The following NXN variants were observed in gnomAD, a reference collection of about 807,000 sequenced individuals.
NXN encodes the protein nucleoredoxin 1.
A neutral mutation model predicts 48.6 loss-of-function variants in NXN; 16 were observed. That is an observed-to-expected ratio of 0.33 (90% CI 0.22 to 0.50). The LOEUF is 0.50. Among genes scored for constraint, NXN ranks in the 20% least tolerant of loss-of-function variants. The pLI is 0.98. For synonymous variants in NXN, 281 were observed against 269.6 expected (o/e 1.04, Z -0.41); for missense variants, 492 against 605.5 (o/e 0.81, Z 1.97).
chr17:874,610 C>A (rs1011808254), intron 1 of NXN, among the ~76,000 whole-genome samples: 1 of 150,862 alleles, frequency 6.6e-6, no homozygotes, highest in Non-Finnish European at 1.5e-5. Flanking sequence ...ATTACCCAGT[C>A]TTGTTATGTC....
intron 1 of NXN, among the ~76,000 whole-genome samples, chr17:965,803 G>A (rs2069295305): frequency 6.6e-6 from 1 of 152,114 alleles, no homozygotes; most frequent in Non-Finnish European, 1.5e-5. Context: ...CTACTCGGGA[G>A]GCCGAGGCAG....
intron 5 of NXN, among the ~76,000 whole-genome samples, chr17:806,461 C>T (rs1294762178): frequency 6.6e-6 from 1 of 152,118 alleles, no homozygotes; most frequent in Admixed American, 6.5e-5. Flanking sequence ...TTTTCTGTGT[C>T]TCTGTTCTTT....
At chr17:955,581 G>A (rs545830403) in intron 1 of NXN, among the ~76,000 whole-genome samples, 8 of 143,768 alleles carry the variant, frequency 5.6e-5, no homozygotes, top group East Asian at 2.2e-4. Flanking sequence ...AGCCAGACGC[G>A]GTGGCTCACG....
chr17:946,640 C>A (rs1451181311), intron 1 of NXN, among the ~76,000 whole-genome samples: 1 of 152,202 alleles, frequency 6.6e-6, no homozygotes, highest in Non-Finnish European at 1.5e-5. Flanking sequence ...TCCCAAAAGT[C>A]CCAAAACCAC....
At position 846,036 on chromosome 17, in the gene NXN, C is replaced by A. The variant is rs543539628; in HGVS notation, c.361-19958G>T. On this transcript the variant is annotated intron_variant, in intron 1 of 7. Coordinates refer to ENST00000336868, the MANE Select transcript of NXN (RefSeq NM_022463.5). ...GGCGGAGGTTGCAGTGAGCCGAGAT[C>A]ACACCACTGCACTCCAGCCTGGGGG... Among the ~76,000 whole-genome samples the A allele has an allele frequency of 6.6e-5, 10 of 151,536 alleles. No individual in the cohort carries two copies. In the South Asian group the frequency reaches 1.3e-3, roughly 19 times the overall value.
rs772248712 is a variant in NXN, at chr17:958,702, A to C, written c.360+20617T>G. 3.9e-5 allele frequency among the ~76,000 whole-genome samples: 6 copies of C among 152,124 alleles called. No homozygotes were observed. Among genetic ancestry groups the C allele is most frequent in the Non-Finnish European group, 8.8e-5 (6 of 68,032 alleles). On this transcript the variant is annotated intron_variant, in intron 1 of 7. Coordinates refer to ENST00000336868, the MANE Select transcript of NXN (RefSeq NM_022463.5). This position sits in a 1 kb window ranked among gnomAD's most constrained non-coding sequence, Gnocchi z 6.9. ...AGGAGAATCACCGAGGCGGAGGTAG[A>C]AGTGAGCCCAGATTGTGCCACTGAA...
intron 1 of NXN, among the ~76,000 whole-genome samples, chr17:880,742 G>T (rs2068275252): frequency 6.6e-6 from 1 of 152,116 alleles, no homozygotes; most frequent in African/African-American, 2.4e-5. Flanking sequence ...AAGGGGGCAG[G>T]GCTGGAGATC....
chr17:935,987 G>T (rs923485257), intron 1 of NXN, among the ~76,000 whole-genome samples: 1 of 151,776 alleles, frequency 6.6e-6, no homozygotes. Context: ...AGCTACTCAG[G>T]AGGCTGAGGC....
chr17:817,671 G>GAA lies in NXN; in HGVS notation c.820+1766_820+1767dup, dbSNP rs1230474649. On this transcript the variant is annotated intron_variant, in intron 5 of 7. Coordinates refer to ENST00000336868, the MANE Select transcript of NXN (RefSeq NM_022463.5). ...GCGACAGAGCAAGACTCCAATTCAGGAAAAAAAAAAAAAAAAAAGAGCCTG... is the reference window on the plus strand; with the variant it reads ...GCGACAGAGCAAGACTCCAATTCAGGAAAAAAAAAAAAAAAAAAAAGAGCCTG... Among the ~76,000 whole-genome samples the GAA allele has an allele frequency of 7.4e-3, 798 of 107,128 alleles. 6 individuals are homozygous for GAA. Among genetic ancestry groups the GAA allele is most frequent in the African/African-American group, 0.024 (706 of 29,464 alleles). The allele number at this position is 107,128 out of a possible 152,430, so 70.3% of individuals were successfully genotyped here. A position where few individuals can be genotyped will look rare whatever the true frequency, so the allele number is the denominator to read the frequency against.
At chr17:823,324 AG>A (rs1417325551) in intron 3 of NXN, among the ~76,000 whole-genome samples, 2 of 150,400 alleles carry the variant, frequency 1.3e-5, no homozygotes, top group African/African-American at 4.9e-5. Context: ...ACTTGAACCC[AG>A]GAGGCAAAGG....
intron 1 of NXN, among the ~76,000 whole-genome samples, chr17:939,286 C>T (rs1250535503): frequency 6.6e-6 from 1 of 150,738 alleles, no homozygotes; most frequent in Non-Finnish European, 1.5e-5. Context: ...AAATATGGTA[C>T]ATATATACAC....
chr17:894,145 G>A (rs1385387587), intron 1 of NXN, among the ~76,000 whole-genome samples: 1 of 126,940 alleles, frequency 7.9e-6, no homozygotes, highest in African/African-American at 3.1e-5. Flanking sequence ...CAAACGCCCT[G>A]GAAGCCAGAG....
At chr17:893,033 C>T (rs566846940) in intron 1 of NXN, among the ~76,000 whole-genome samples, 2 of 152,378 alleles carry the variant, frequency 1.3e-5, no homozygotes, top group African/African-American at 4.8e-5. Flanking sequence ...AAACCTAAAA[C>T]TGTTCTATGA....
At chr17:935,347 G>A (rs2068897265) in intron 1 of NXN, among the ~76,000 whole-genome samples, 1 of 152,058 alleles carries the variant, frequency 6.6e-6, no homozygotes, top group Non-Finnish European at 1.5e-5. Flanking sequence ...TTCGTATCTG[G>A]GAATCCTCTG....
At chr17:935,461 G>A (rs1346004281) in intron 1 of NXN, among the ~76,000 whole-genome samples, 1 of 152,164 alleles carries the variant, frequency 6.6e-6, no homozygotes, top group Non-Finnish European at 1.5e-5. Context: ...GTCATGGCCG[G>A]CGGGACAAGG....
chr17:849,517 A>AC lies in NXN; in HGVS notation c.361-23440dup, dbSNP rs1057339579. 1.3e-4 allele frequency among the ~76,000 whole-genome samples: 18 copies of AC among 141,104 alleles called. No homozygotes were observed. Among genetic ancestry groups the AC allele is most frequent in the Non-Finnish European group, 2.2e-4 (14 of 63,724 alleles). 92.6% of individuals were successfully genotyped at this position (141,104 alleles called of 152,430 possible). A position where few individuals can be genotyped will look rare whatever the true frequency, so the allele number is the denominator to read the frequency against. On this transcript the variant is annotated intron_variant, in intron 1 of 7. Transcript: ENST00000336868. This position sits in a 1 kb window ranked among gnomAD's most constrained non-coding sequence, Gnocchi z 4.2. ...CACTGCACTCCATCCTGGACGACAG[A>AC]CAAAAAAAAAAGATGGGAGCTTCCC...
intron 1 of NXN, among the ~76,000 whole-genome samples, chr17:974,072 G>A (rs541749592): frequency 2.0e-4 from 31 of 151,716 alleles, no homozygotes; most frequent in Admixed American, 1.8e-3. Context: ...ACCTCATGCC[G>A]GGCGCGGTGG....
intron 6 of NXN, among the ~76,000 whole-genome samples, chr17:804,578 G>A (rs967255822): frequency 6.6e-6 from 1 of 152,100 alleles, no homozygotes; most frequent in Non-Finnish European, 1.5e-5. Context: ...TGTCCCCCTG[G>A]CCCGGCTGGG....
chr17:853,173 C>A (rs1462425123), intron 1 of NXN, among the ~76,000 whole-genome samples: 1 of 152,074 alleles, frequency 6.6e-6, no homozygotes, highest in Non-Finnish European at 1.5e-5. Flanking sequence ...AATTCCCAGC[C>A]GGGCACGGTG....
Sources: gnomAD v4.1 joint callset for allele counts (sites outside exome capture counted in the v4.1 genomes callset) on GRCh38, gnomAD v4.1.1 for gene constraint, Gnocchi (gnomAD v3.1) non-coding constraint, MANE v1.5 for transcripts, NCBI Gene and HGNC (gene_info 2026-07-23, HGNC 2026-07-21) for gene names.